The following TMCC1 variants were observed in gnomAD, a reference collection of about 807,000 sequenced individuals.
TMCC1 encodes transmembrane and coiled-coil domains protein 1.
In TMCC1, 15 loss-of-function variants were observed where a neutral mutation model predicts 52.4. The observed-to-expected ratio is 0.29, with a 90% CI of 0.19 to 0.44. The LOEUF is 0.44. Ranked by LOEUF, TMCC1 falls within the 20% of genes least tolerant of loss-of-function variation. The pLI is 1.00. For missense variants in TMCC1, 503 were observed against 806.0 expected (o/e 0.62, Z 4.55); for synonymous variants, 279 against 301.9 (o/e 0.92, Z 0.79).
intron 4 of TMCC1, among the ~76,000 whole-genome samples, chr3:129,784,085 T>G (rs1431357041): frequency 6.6e-6 from 1 of 152,008 alleles, no homozygotes; most frequent in Non-Finnish European, 1.5e-5. Context: ...GCAGTGGTAG[T>G]ATGGGAAGGG....
chr3:129,833,499 G>C (rs1476012126), intron 2 of TMCC1, among the ~76,000 whole-genome samples: 4 of 152,184 alleles, frequency 2.6e-5, no homozygotes, highest in African/African-American at 7.2e-5. Flanking sequence ...GAGCCCCGGA[G>C]CTGGAGATTA....
chr3:129,889,079 C>T (rs932781557), intron 1 of TMCC1, among the ~76,000 whole-genome samples: 1 of 152,108 alleles, frequency 6.6e-6, no homozygotes, highest in African/African-American at 2.4e-5. Flanking sequence ...CGAGACCAGC[C>T]TGGGCACCAT....
intron 4 of TMCC1, among the ~76,000 whole-genome samples, chr3:129,822,862 C>A (rs1203081772): frequency 6.6e-6 from 1 of 152,194 alleles, no homozygotes; most frequent in African/African-American, 2.4e-5. Context: ...AGCCAGTGAT[C>A]TTCTGACTAG....
At chr3:129,764,308 A>C (rs2053897511) in intron 4 of TMCC1, among the ~76,000 whole-genome samples, 1 of 152,218 alleles carries the variant, frequency 6.6e-6, no homozygotes, top group Non-Finnish European at 1.5e-5. Context: ...AAATTAGAGA[A>C]CATGCTTGCT....
chr3:129,828,530 C>CA lies in TMCC1; in HGVS notation c.-130-23dup, dbSNP rs558721625. ...CTATCTAATGTTAAAAACAAAAAAA[C>CA]AAAAAAACAAAAAAAAAACCTTATA... On this transcript the variant is annotated intron_variant, in intron 3 of 6. Coordinates refer to ENST00000393238, the MANE Select transcript of TMCC1 (RefSeq NM_001017395.5). This position sits in a 1 kb window ranked among gnomAD's most constrained non-coding sequence, Gnocchi z 4.1. The CA allele has an allele frequency of 4.4e-4, 270 of 618,940 alleles. No homozygotes were observed. The highest frequency in any genetic ancestry group is 3.4e-3 in the African/African-American group (181 of 53,480). The allele number at this position is 618,940 out of a possible 1,614,324, so 38.3% of individuals were successfully genotyped here. A position where few individuals can be genotyped will look rare whatever the true frequency, so the allele number is the denominator to read the frequency against.
chr3:129,674,421 C>T lies in TMCC1; in HGVS notation c.577-3157G>A, dbSNP rs537946360. Among the ~76,000 whole-genome samples, 3 of 152,202 alleles carry T rather than the reference C, an allele frequency of 2.0e-5. No homozygotes were observed. In the South Asian group the frequency reaches 6.2e-4, roughly 32 times the overall value. ...AGTAAGGTAGTTTAACACCTGAAAC[C>T]ATGAATCACTGGACTACTGGAACTC... On this transcript the variant is annotated intron_variant, in intron 4 of 6. Coordinates refer to ENST00000393238, the MANE Select transcript of TMCC1 (RefSeq NM_001017395.5).
Position 129,828,584 on chromosome 3 carries a change from TAAAAC to T in TMCC1, c.-130-81_-130-77del, listed in dbSNP as rs1332635262. Reference sequence around the variant, plus strand: ...TAAATCCATGCAGAAACTCCAGTGTTAAAACAAAGAAAAACATGCTACTGGCCAAA... The same window carrying T: ...TAAATCCATGCAGAAACTCCAGTGTTAAAGAAAAACATGCTACTGGCCAAA... On this transcript the variant is annotated intron_variant, in intron 3 of 6. Transcript: ENST00000393238. This position sits in a 1 kb window ranked among gnomAD's most constrained non-coding sequence, Gnocchi z 4.1. 9.8e-6 allele frequency: 5 copies of T among 510,874 alleles called. No homozygotes were observed. The highest frequency in any genetic ancestry group is 1.7e-5 in the Non-Finnish European group (5 of 295,092). The allele number at this position is 510,874 out of a possible 1,614,324, so 31.6% of individuals were successfully genotyped here.
intron 4 of TMCC1, among the ~76,000 whole-genome samples, chr3:129,727,765 G>A (rs1231525887): frequency 1.3e-5 from 2 of 152,182 alleles, no homozygotes; most frequent in Non-Finnish European, 2.9e-5. Context: ...TGGTACTGAT[G>A]CCCCACGTAG....
chr3:129,761,309 C>A lies in TMCC1; in HGVS notation c.576+66494G>T, dbSNP rs1321621922. 3.9e-5 allele frequency among the ~76,000 whole-genome samples: 5 copies of A among 126,842 alleles called. No homozygotes were observed. The Admixed American group carries it at 4.8e-4, about 12-fold the overall frequency. The allele number at this position is 126,842 out of a possible 152,430, so 83.2% of individuals were successfully genotyped here. ...CGCCACTGCACTCCAGCCTGGGCGA[C>A]AGAGCGAGACTCCGTCTCAAAAAAA... On this transcript the variant is annotated intron_variant, in intron 4 of 6. Transcript: ENST00000393238.
chr3:129,667,220 TAA>T lies in TMCC1; in HGVS notation c.1511+3108_1511+3109del, dbSNP rs1202933776. 2.1e-3 allele frequency among the ~76,000 whole-genome samples: 180 copies of T among 85,804 alleles called. 1 individual carries two copies. Among genetic ancestry groups the T allele is most frequent in the African/African-American group, 6.3e-3 (139 of 22,178 alleles). The allele number at this position is 85,804 out of a possible 152,430, so 56.3% of individuals were successfully genotyped here. On this transcript the variant is annotated intron_variant, in intron 5 of 6. Transcript: ENST00000393238. ...GCCTGGCCAGCAAGACCCTGACTCT[TAA>T]AAAAAAAAAAAAAAAAAAAAAGACT...
chr3:129,817,438 G>T (rs1342763660), intron 4 of TMCC1, among the ~76,000 whole-genome samples: 1 of 152,094 alleles, frequency 6.6e-6, no homozygotes, highest in Non-Finnish European at 1.5e-5. Flanking sequence ...AACAAAGAAA[G>T]ACCCTGTCTT....
chr3:129,707,265 A>T (rs543336085), intron 4 of TMCC1, among the ~76,000 whole-genome samples: 2 of 152,214 alleles, frequency 1.3e-5, no homozygotes, highest in Non-Finnish European at 2.9e-5. Context: ...AGCATAAATC[A>T]TATCACCTCA....
intron 4 of TMCC1, among the ~76,000 whole-genome samples, chr3:129,735,278 T>G (rs1170997141): frequency 6.6e-6 from 1 of 152,056 alleles, no homozygotes; most frequent in African/African-American, 2.4e-5. Flanking sequence ...ATTGTTAACA[T>G]TCAAATGTTT....
intron 2 of TMCC1, among the ~76,000 whole-genome samples, chr3:129,840,235 G>T (rs533874496): frequency 1.3e-5 from 2 of 149,434 alleles, no homozygotes; most frequent in East Asian, 4.0e-4. Context: ...ATTGAGGTGG[G>T]AGGATTGATT....
At chr3:129,810,504 C>T (rs1198912601) in intron 4 of TMCC1, among the ~76,000 whole-genome samples, 17 of 152,178 alleles carry the variant, frequency 1.1e-4, no homozygotes, top group Non-Finnish European at 7.3e-5. Context: ...AGCTAAACTC[C>T]TGACAATAGA....
At chr3:129,771,533 G>A (rs954579220) in intron 4 of TMCC1, among the ~76,000 whole-genome samples, 1 of 152,002 alleles carries the variant, frequency 6.6e-6, no homozygotes, top group Non-Finnish European at 1.5e-5. Flanking sequence ...CCAGCACCCT[G>A]GGAGGCGGAG....
intron 4 of TMCC1, among the ~76,000 whole-genome samples, chr3:129,779,925 T>C (rs1185156355): frequency 6.6e-6 from 1 of 152,184 alleles, no homozygotes; most frequent in Non-Finnish European, 1.5e-5. Flanking sequence ...TTTGTCACTT[T>C]AATCCTTAGC....
At chr3:129,746,167 T>A (rs944133010) in intron 4 of TMCC1, among the ~76,000 whole-genome samples, 2 of 151,936 alleles carry the variant, frequency 1.3e-5, no homozygotes, top group South Asian at 2.1e-4. Context: ...CTTTAAAAAC[T>A]GGTTTAATTT....
At chr3:129,838,990 T>C (rs1211176102) in intron 2 of TMCC1, among the ~76,000 whole-genome samples, 1 of 151,986 alleles carries the variant, frequency 6.6e-6, no homozygotes, top group African/African-American at 2.4e-5. Context: ...GAAAATATCC[T>C]TCATACGTAC....
Sources: gnomAD v4.1 joint callset for allele counts (sites outside exome capture counted in the v4.1 genomes callset) on GRCh38, gnomAD v4.1.1 for gene constraint, Gnocchi (gnomAD v3.1) non-coding constraint, MANE v1.5 for transcripts, NCBI Gene and HGNC (gene_info 2026-07-23, HGNC 2026-07-21) for gene names.